ITPR2: variants seen among roughly 807,000 people sequenced by gnomAD.
ITPR2 encodes inositol 1,4,5-trisphosphate receptor type 2.
Under a neutral mutation model 317.1 loss-of-function variants are expected in ITPR2, and 207 were observed. The observed-to-expected ratio is 0.65, with a 90% confidence interval of 0.58 to 0.73. ITPR2 has a LOEUF of 0.73. ITPR2 is among the 30% of genes least tolerant of loss of function. The pLI, the probability that ITPR2 is intolerant of heterozygous loss-of-function variation, is 0.00. For synonymous variants in ITPR2, 1,156 were observed against 1,149.1 expected (o/e 1.01, Z -0.12); for missense variants, 2,613 against 3,284.0 (o/e 0.80, Z 4.99).
In ITPR2 at chr12:26,811,050, A is replaced by C. The variant is rs866111292; in HGVS notation, c.93-20823T>G. Reference sequence around the variant, plus strand: ...GTTTTAAGTTACAAAAAAAAAAAAAAAAAAAAAAAACAGAAAGATACTCTA... The same window carrying C: ...GTTTTAAGTTACAAAAAAAAAAAAACAAAAAAAAAACAGAAAGATACTCTA... On this transcript the variant is annotated intron_variant, in intron 1 of 56. Coordinates refer to ENST00000381340, the MANE Select transcript of ITPR2 (RefSeq NM_002223.4). Among the ~76,000 whole-genome samples, 517 of 151,356 alleles carry C rather than the reference A, an allele frequency of 3.4e-3. 4 individuals carry two copies. The Middle Eastern group carries it at 0.041, about 12-fold the overall frequency.
intron 10 of ITPR2, among the ~76,000 whole-genome samples, chr12:26,693,218 G>A (rs1207762140): frequency 2.0e-5 from 3 of 152,182 alleles, no homozygotes; most frequent in Non-Finnish European, 4.4e-5. Context: ...TGCAATTAAA[G>A]TATTGCCAGT....
intron 45 of ITPR2, among the ~76,000 whole-genome samples, chr12:26,474,154 C>A (rs1942356332): frequency 6.6e-6 from 1 of 152,026 alleles, no homozygotes; most frequent in Non-Finnish European, 1.5e-5. Context: ...TAAAGAGCAA[C>A]CTTAAAAATA....
chr12:26,425,369 G>T (rs78294126), intron 49 of ITPR2, among the ~76,000 whole-genome samples: 7,103 of 150,634 alleles, frequency 0.047, 232 homozygotes, highest in South Asian at 0.17. Context: ...ATTTTTTTTT[G>T]GTCAAAATGC....
chr12:26,737,088 C>T (rs1347717331), intron 2 of ITPR2, among the ~76,000 whole-genome samples: 1 of 152,066 alleles, frequency 6.6e-6, no homozygotes, highest in Non-Finnish European at 1.5e-5. Context: ...CAAGGGGAAA[C>T]TCGCCAGCAA....
intron 32 of ITPR2, among the ~76,000 whole-genome samples, chr12:26,593,024 T>A (rs772141592): frequency 7.2e-5 from 11 of 152,178 alleles, no homozygotes; most frequent in Non-Finnish European, 1.5e-4. Flanking sequence ...ATTTTACAAA[T>A]CAGGAAACTC....
At chr12:26,558,040 T>G (rs988022248) in intron 35 of ITPR2, among the ~76,000 whole-genome samples, 8 of 152,200 alleles carry the variant, frequency 5.3e-5, no homozygotes, top group Non-Finnish European at 1.2e-4. Context: ...ATTCTTTCTC[T>G]TTCTGAAAAA....
chr12:26,612,906 A>G lies in ITPR2; in HGVS notation c.3462+8217T>C, dbSNP rs181443376. The stretch of plus-strand genomic sequence containing the variant: ...TCTTGAATACATGCTAACTCCTCCC[A>G]GTCCTTCAGAATAGGCCTATGCGCA... On this transcript the variant is annotated intron_variant, in intron 26 of 56. Coordinates refer to ENST00000381340, the MANE Select transcript of ITPR2 (RefSeq NM_002223.4). Among the ~76,000 whole-genome samples the G allele has an allele frequency of 8.5e-5, 13 of 152,318 alleles. No homozygotes were observed. The East Asian group carries it at 2.1e-3, about 25-fold the overall frequency.
chr12:26,714,866 A>C (rs1464958183), intron 8 of ITPR2, among the ~76,000 whole-genome samples: 1 of 152,234 alleles, frequency 6.6e-6, no homozygotes, highest in East Asian at 1.9e-4. Flanking sequence ...TGGCATCTAC[A>C]GAAGAAATAA....
chr12:26,739,445 G>A (rs533823160), intron 2 of ITPR2, among the ~76,000 whole-genome samples: 2 of 152,280 alleles, frequency 1.3e-5, no homozygotes, highest in South Asian at 2.1e-4. Context: ...CCATACAATA[G>A]AATACTACTA....
intron 52 of ITPR2, chr12:26,400,958 A>C (rs1464746100): frequency 2.6e-5 from 4 of 152,306 alleles, no homozygotes; most frequent in Non-Finnish European, 5.9e-5. Context: ...GTCCTGGGGC[A>C]GTAGCTAATG....
At chr12:26,501,566 A>T (rs907020288) in intron 37 of ITPR2, among the ~76,000 whole-genome samples, 1 of 152,204 alleles carries the variant, frequency 6.6e-6, no homozygotes, top group Non-Finnish European at 1.5e-5. Context: ...AGTTATGTGC[A>T]CTCAGAAGAT....
intron 15 of ITPR2, 139 bp from the exon 16 acceptor site, chr12:26,659,424 T>G: frequency 4.3e-6 from 3 of 697,450 alleles, no homozygotes; most frequent in Non-Finnish European, 7.0e-6. Flanking sequence ...GCAAGTAAAT[T>G]TTTCAATAAA....
chr12:26,597,303 T>A (rs1032887871), intron 30 of ITPR2, among the ~76,000 whole-genome samples, 169 bp from the exon 31 acceptor site: 1 of 152,144 alleles, frequency 6.6e-6, no homozygotes, highest in African/African-American at 2.4e-5. Context: ...TATGGTCCCA[T>A]GCCAAGGAAC....
At chr12:26,634,395 T>C (rs1591983068) in intron 21 of ITPR2, among the ~76,000 whole-genome samples, 1 of 152,330 alleles carries the variant, frequency 6.6e-6, no homozygotes, top group East Asian at 1.9e-4. Context: ...TTCTCAACCA[T>C]AATTAGTTAA....
At position 26,622,224 on chromosome 12, in the gene ITPR2, G is replaced by A; in HGVS notation, c.3288+16C>T. The A allele has an allele frequency of 6.3e-7, 1 of 1,599,330 alleles. No individual in the cohort carries two copies. Among genetic ancestry groups the A allele is most frequent in the Non-Finnish European group, 8.5e-7 (1 of 1,174,536 alleles). On this transcript the variant is annotated intron_variant, in intron 25 of 56. Coordinates refer to ENST00000381340, the MANE Select transcript of ITPR2 (RefSeq NM_002223.4). ...GAGCTTTTGCTGTGGATGCATTGAG[G>A]GCTCTTCAATCTTACCTGCTTAAAT...
chr12:26,399,970 C>T (rs573771833), intron 53 of ITPR2, among the ~76,000 whole-genome samples, 158 bp downstream of exon 53: 4 of 152,266 alleles, frequency 2.6e-5, no homozygotes, highest in African/African-American at 9.6e-5. Context: ...CTATGTAATC[C>T]TAGCAAACAA....
In ITPR2 at chr12:26,737,099, T is replaced by C. The variant is rs80345902; in HGVS notation, c.164-11334A>G. 3.3e-3 allele frequency among the ~76,000 whole-genome samples: 502 copies of C among 152,230 alleles called. 9 individuals are homozygous for C. The East Asian group carries it at 0.066, about 20-fold the overall frequency. On this transcript the variant is annotated intron_variant, in intron 2 of 56. Coordinates refer to ENST00000381340, the MANE Select transcript of ITPR2 (RefSeq NM_002223.4). ...CATGCAAGGGGAAACTCGCCAGCAA[T>C]TGGAAAAAATCCAAAAAATACAAAT... is the stretch of plus-strand genomic sequence containing the variant.
rs565901146 is a variant in ITPR2, at chr12:26,554,273, T to C, written c.4964+1960A>G. On this transcript the variant is annotated intron_variant, in intron 36 of 56. Transcript: ENST00000381340. ...GTAGCCATTAGCCACATGTGGCTACTGAGCACTTGAAATGTTGCAGATATG... is the reference window on the plus strand; with the variant it reads ...GTAGCCATTAGCCACATGTGGCTACCGAGCACTTGAAATGTTGCAGATATG... 2.9e-4 allele frequency among the ~76,000 whole-genome samples: 44 copies of C among 152,378 alleles called. 1 individual carries two copies. The South Asian group carries it at 8.5e-3, about 29-fold the overall frequency.
intron 45 of ITPR2, among the ~76,000 whole-genome samples, chr12:26,448,519 T>C (rs916871219): frequency 1.3e-5 from 2 of 152,180 alleles, no homozygotes; most frequent in Non-Finnish European, 2.9e-5. Flanking sequence ...GAACACTTAT[T>C]AGGTCATTAT....
Sources: allele counts gnomAD v4.1 joint callset (sites outside exome capture counted in the v4.1 genomes callset), GRCh38; gene constraint gnomAD v4.1.1; transcripts MANE v1.5; gene names NCBI Gene and HGNC (gene_info 2026-07-23, HGNC 2026-07-21).